NPFFR2: variants seen among roughly 807,000 people sequenced by gnomAD.
NPFFR2 encodes the protein neuropeptide FF receptor 2, also known as G-protein coupled receptor 74.
In NPFFR2, 15 loss-of-function variants were observed where a neutral mutation model predicts 13.1. The observed-to-expected ratio is 1.15, with a 90% CI of 0.77 to 1.76. NPFFR2 has a LOEUF of 1.76. Ranked by LOEUF, NPFFR2 falls within the 40% of genes most tolerant of loss-of-function variation. The probability of loss-of-function intolerance (pLI) is 0.00; values close to 1 mark genes in which losing one functional copy is unlikely to be tolerated. For synonymous variants in NPFFR2, 190 were observed against 175.7 expected, an observed-to-expected ratio of 1.08 and a Z score of -0.65; for missense variants, 572 against 503.5, an observed-to-expected ratio of 1.14 and a Z score of -1.30.
intron 1 of NPFFR2, among the ~76,000 whole-genome samples, chr4:72,117,514 C>G (rs1219134461): frequency 6.6e-6 from 1 of 152,164 alleles, no homozygotes; most frequent in Non-Finnish European, 1.5e-5. Context: ...GAGATGTGCA[C>G]AATTGGCTCT....
At chr4:72,093,817 A>G (rs1313783457) in intron 1 of NPFFR2, among the ~76,000 whole-genome samples, 1 of 144,812 alleles carries the variant, frequency 6.9e-6, no homozygotes, top group African/African-American at 2.6e-5. Flanking sequence ...GACCTTCTGA[A>G]TTCTTTTTTT....
At chr4:72,046,193 T>C (rs1329888160) in intron 1 of NPFFR2, among the ~76,000 whole-genome samples, 1 of 152,212 alleles carries the variant, frequency 6.6e-6, no homozygotes, top group Non-Finnish European at 1.5e-5. Flanking sequence ...ATACTTTTCC[T>C]GCTTCAGCAC....
At chr4:72,032,501 T>C (rs1262081029) in intron 1 of NPFFR2, among the ~76,000 whole-genome samples, 1 of 152,162 alleles carries the variant, frequency 6.6e-6, no homozygotes, top group Non-Finnish European at 1.5e-5. Context: ...TCTCCGGGGC[T>C]GTATTGTGTT....
At position 72,038,901 on chromosome 4, in the gene NPFFR2, C is replaced by CTTTTTTTTTTTTTTTTTTTTT. The variant is rs34623356; in HGVS notation, c.-8+6704_-8+6705insTTTTTTTTTTTTTTTTTTTTT. Among the ~76,000 whole-genome samples, 5 of 86,974 alleles carry CTTTTTTTTTTTTTTTTTTTTT rather than the reference C, an allele frequency of 5.7e-5. 1 individual carries two copies. Among genetic ancestry groups the CTTTTTTTTTTTTTTTTTTTTT allele is most frequent in the Non-Finnish European group, 6.7e-5 (3 of 44,610 alleles). 57.1% of individuals were successfully genotyped at this position (86,974 alleles called of 152,430 possible). On this transcript the variant is annotated intron_variant, in intron 1 of 3. Transcript: ENST00000308744. ...TTTTAATTCTTGATTTTTAAATTTC[C>CTTTTTTTTTTTTTTTTTTTTT]TTTCTTTTTTTTTTTTTTTTTTTTT...
intron 3 of NPFFR2, among the ~76,000 whole-genome samples, chr4:72,142,712 C>T (rs6826854): frequency 0.022 from 3,348 of 152,214 alleles, 123 homozygotes; most frequent in African/African-American, 0.076. Context: ...ACAATATAGA[C>T]GTTTCTAACA....
In NPFFR2 at chr4:72,130,187, C is replaced by T. The variant is rs559210921; in HGVS notation, c.328+1268C>T. On this transcript the variant is annotated intron_variant, in intron 2 of 3. Transcript: ENST00000308744. ...ACAATCTGATCTCTCTTGCTTTTCC[C>T]CACAATTATGTCTTACCTGAAACCT... Among the ~76,000 whole-genome samples, 66 of 152,186 alleles carry T rather than the reference C, an allele frequency of 4.3e-4. 1 individual carries two copies. In the South Asian group the frequency reaches 0.013, roughly 29 times the overall value.
At chr4:72,093,475 G>C (rs1720968042) in intron 1 of NPFFR2, among the ~76,000 whole-genome samples, 1 of 152,090 alleles carries the variant, frequency 6.6e-6, no homozygotes, top group African/African-American at 2.4e-5. Flanking sequence ...ATTATTCTTA[G>C]GTTTGGTCAT....
rs143335700 is a variant in NPFFR2, at chr4:72,095,929, G to A, written c.-7-32656G>A. On this transcript the variant is annotated intron_variant, in intron 1 of 3. Transcript: ENST00000308744. ...CTCCTTATTTGTTTTCCAACTCTCA[G>A]TCATGAGTGTCATTTCTACCTGATG... Among the ~76,000 whole-genome samples the A allele has an allele frequency of 3.1e-3, 477 of 152,252 alleles. 4 individuals are homozygous for A. The highest frequency in any genetic ancestry group is 0.011 in the African/African-American group (450 of 41,540).
Position 72,087,532 on chromosome 4 carries a change from C to T in NPFFR2, c.-7-41053C>T, listed in dbSNP as rs78808905. On this transcript the variant is annotated intron_variant, in intron 1 of 3. Transcript: ENST00000308744. ...TGATCTGGGTTGCTAAGAATCTAAG[C>T]ATTAATACATGATGGTCTTGTGTAG... Among the ~76,000 whole-genome samples, 80 of 137,728 alleles carry T rather than the reference C, an allele frequency of 5.8e-4. 3 individuals carry two copies. In the East Asian group the frequency reaches 0.014, roughly 24 times the overall value. The allele number at this position is 137,728 out of a possible 152,430, so 90.4% of individuals were successfully genotyped here.
chr4:72,042,040 T>C (rs1056342040), intron 1 of NPFFR2, among the ~76,000 whole-genome samples: 2 of 152,168 alleles, frequency 1.3e-5, no homozygotes, highest in African/African-American at 4.8e-5. Flanking sequence ...CTTTTGAGGT[T>C]TATAAATTCT....
chr4:72,129,057 C>T (rs1047305452), intron 2 of NPFFR2, 138 bp downstream of exon 2: 6 of 624,000 alleles, frequency 9.6e-6, no homozygotes, highest in African/African-American at 7.4e-5. Context: ...GGCACCTGCC[C>T]TCATTGGATC....
chr4:72,118,984 C>T (rs1022734316), intron 1 of NPFFR2, among the ~76,000 whole-genome samples: 11 of 151,830 alleles, frequency 7.2e-5, no homozygotes, highest in Non-Finnish European at 1.5e-4. Flanking sequence ...AATAGTGGAA[C>T]AGTTAATGAC....
At chr4:72,127,475 T>C (rs1332708956) in intron 1 of NPFFR2, among the ~76,000 whole-genome samples, 18 of 136,656 alleles carry the variant, frequency 1.3e-4, no homozygotes, top group East Asian at 4.9e-4. Flanking sequence ...GCCATTCTCC[T>C]GCCTCAGCCT....
chr4:72,147,821 A>G lies in NPFFR2; in HGVS notation c.*9A>G. 3.3e-6 allele frequency: 5 copies of G among 1,528,780 alleles called. 1 individual carries two copies. The highest frequency in any genetic ancestry group is 3.5e-4 in the Middle Eastern group (2 of 5,704). The allele number at this position is 1,528,780 out of a possible 1,614,324, so 94.7% of individuals were successfully genotyped here. A position where few individuals can be genotyped will look rare whatever the true frequency, so the allele number is the denominator to read the frequency against. ...ACAGCAGTGAGATTTAAAAAGAGCT[A>G]GTGTGATAATCCTAACTCTACTACG... On this transcript the variant is annotated 3_prime_UTR_variant, in exon 4 of 4. Transcript: ENST00000308744.
chr4:72,129,208 A>G (rs1030670832), intron 2 of NPFFR2, among the ~76,000 whole-genome samples: 2 of 152,104 alleles, frequency 1.3e-5, no homozygotes, highest in Admixed American at 1.3e-4. Flanking sequence ...GTCATGAGAA[A>G]ATAAGATTTA....
intron 1 of NPFFR2, among the ~76,000 whole-genome samples, chr4:72,108,866 T>C (rs1341667275): frequency 4.6e-5 from 7 of 152,054 alleles, no homozygotes; most frequent in Admixed American, 3.9e-4. Context: ...CAAATTCACT[T>C]TCTTCTCTGG....
intron 1 of NPFFR2, among the ~76,000 whole-genome samples, chr4:72,107,853 A>C (rs1721460121): frequency 6.6e-6 from 1 of 152,074 alleles, no homozygotes; most frequent in Non-Finnish European, 1.5e-5. Context: ...TATGAAATAG[A>C]CTAAAATATT....
At chr4:72,143,394 G>T (rs1722690211) in intron 3 of NPFFR2, among the ~76,000 whole-genome samples, 1 of 152,114 alleles carries the variant, frequency 6.6e-6, no homozygotes, top group South Asian at 2.1e-4. Flanking sequence ...CATCCTGTGG[G>T]CAGGAGAATA....
At chr4:72,082,120 C>T (rs1156864856) in intron 1 of NPFFR2, among the ~76,000 whole-genome samples, 2 of 152,088 alleles carry the variant, frequency 1.3e-5, no homozygotes, top group African/African-American at 4.8e-5. Context: ...CCTATGGCAG[C>T]AAAGTACATA....
Sources: allele counts gnomAD v4.1 joint callset (sites outside exome capture counted in the v4.1 genomes callset), GRCh38; gene constraint gnomAD v4.1.1; transcripts MANE v1.5; gene names NCBI Gene and HGNC (gene_info 2026-07-23, HGNC 2026-07-21).